DSCAML1: variants seen among roughly 807,000 people sequenced by gnomAD.
DSCAML1 encodes the protein cell adhesion molecule DSCAML1.
Under a neutral mutation model 200.5 loss-of-function variants are expected in DSCAML1, and 38 were observed. The ratio of observed to expected loss-of-function variants is 0.19; its 90% CI spans 0.15 to 0.25. DSCAML1 has a LOEUF of 0.25. Ranked by LOEUF, DSCAML1 falls within the 10% of genes least tolerant of loss-of-function variation. The pLI is 1.00. For synonymous variants in DSCAML1, 1,215 were observed against 1,165.0 expected (o/e 1.04, Z -0.87); for missense variants, 2,223 against 2,858.8 (o/e 0.78, Z 5.07).
At chr11:117,468,184 A>G (rs1016758064) in intron 16 of DSCAML1, among the ~76,000 whole-genome samples, 4 of 152,238 alleles carry the variant, frequency 2.6e-5, no homozygotes, top group South Asian at 2.1e-4. Context: ...TAAGAAATCA[A>G]TAGGGCTGAT....
chr11:117,659,554 T>C (rs941481627), intron 3 of DSCAML1, among the ~76,000 whole-genome samples: 1 of 152,202 alleles, frequency 6.6e-6, no homozygotes, highest in African/African-American at 2.4e-5. Flanking sequence ...ACGGGTCTTA[T>C]TGAGGTCCAA....
chr11:117,430,896 C>G lies in DSCAML1; in HGVS notation c.5512G>C (p.Asp1838His). ...GTGGTCATCTGGTCAGAGGAACTGTCAGAGATGAAGCACTCGGTGATCTCA... is the reference window on the plus strand; with the variant it reads ...GTGGTCATCTGGTCAGAGGAACTGTGAGAGATGAAGCACTCGGTGATCTCA... ...KFEITECFIS[D>H]SSSDQMTTGT... The change falls in exon 32 of 33, where the codon GAC becomes CAC. Residue 1838 changes from aspartate (D) to histidine (H), a missense_variant. Transcript: ENST00000651296. 1.2e-6 allele frequency: 2 copies of G among 1,614,150 alleles called. No homozygotes were observed. Among genetic ancestry groups the G allele is most frequent in the Non-Finnish European group, 1.7e-6 (2 of 1,180,032 alleles).
intron 1 of DSCAML1, among the ~76,000 whole-genome samples, chr11:117,805,699 G>A (rs1369924203): frequency 6.6e-6 from 1 of 152,164 alleles, no homozygotes; most frequent in Non-Finnish European, 1.5e-5. Context: ...CCTAAAGGAA[G>A]TACATTTTGT....
chr11:117,617,688 A>G (rs562360998), intron 3 of DSCAML1, among the ~76,000 whole-genome samples: 2,152 of 78,172 alleles, frequency 0.028, 23 homozygotes, highest in East Asian at 0.12. Flanking sequence ...ACGCACACAC[A>G]CACACACACA....
At chr11:117,734,810 G>T (rs1401455228) in intron 3 of DSCAML1, among the ~76,000 whole-genome samples, 4 of 152,182 alleles carry the variant, frequency 2.6e-5, no homozygotes. Flanking sequence ...AGGTGAGAAA[G>T]GTGGTTTAGG....
intron 3 of DSCAML1, among the ~76,000 whole-genome samples, chr11:117,750,127 G>A (rs2054582615): frequency 6.6e-6 from 1 of 152,170 alleles, no homozygotes; most frequent in African/African-American, 2.4e-5. Context: ...GGAAATGTTG[G>A]GTAAAGGGGC....
rs532122735 is a variant in DSCAML1 at position 117,640,084 on chromosome 11, C to T, written c.512-107562G>A. On this transcript the variant is annotated intron_variant, in intron 3 of 32. Coordinates refer to ENST00000651296, the MANE Select transcript of DSCAML1 (RefSeq NM_020693.4). Reference sequence around the variant, plus strand: ...GAAGCTTCCTCAGATGCAGCAGCCCCGTCTTGTTCTGCAGTGACAGTTCCC... The same window carrying T: ...GAAGCTTCCTCAGATGCAGCAGCCCTGTCTTGTTCTGCAGTGACAGTTCCC... Among the ~76,000 whole-genome samples the T allele has an allele frequency of 2.0e-5, 3 of 152,264 alleles. No homozygotes were observed. The East Asian group carries it at 5.8e-4, about 29-fold the overall frequency.
rs115861493 is a variant in DSCAML1, at chr11:117,747,161, C to T, written c.511+29630G>A. Among the ~76,000 whole-genome samples the T allele has an allele frequency of 8.4e-3, 1,275 of 152,332 alleles. 22 individuals carry two copies. Among genetic ancestry groups the T allele is most frequent in the African/African-American group, 0.028 (1,168 of 41,584 alleles). ...CTTCCTGAGTCTTCACCACCCCAGC[C>T]TTTATTGCTTCTACTGATGCTTCCT... On this transcript the variant is annotated intron_variant, in intron 3 of 32. Coordinates refer to ENST00000651296, the MANE Select transcript of DSCAML1 (RefSeq NM_020693.4).
At chr11:117,576,532 C>T (rs995344644) in intron 3 of DSCAML1, among the ~76,000 whole-genome samples, 3 of 152,184 alleles carry the variant, frequency 2.0e-5, no homozygotes, top group Non-Finnish European at 1.5e-5. Flanking sequence ...TTTCAGTCCA[C>T]AGAAATGAAG....
Position 117,461,541 on chromosome 11 carries a change from G to A in DSCAML1, c.3321C>T (p.Ala1107=), listed in dbSNP as rs749689834. The change falls in exon 18 of 33, where the codon GCC becomes GCT. Residue 1107 remains alanine (A), a synonymous_variant. Coordinates refer to ENST00000651296, the MANE Select transcript of DSCAML1 (RefSeq NM_020693.4). ...GCGGGGGCTCTGACCAGGAGATGAC[G>A]GCCACGTCAGAAGTGATGGACAGGG... ...VRALSITSDV[A]VISWSEPPRS... 7.4e-6 allele frequency: 12 copies of A among 1,614,014 alleles called. No homozygotes were observed. Among genetic ancestry groups the A allele is most frequent in the East Asian group, 2.2e-5 (1 of 44,902 alleles).
intron 1 of DSCAML1, among the ~76,000 whole-genome samples, chr11:117,781,020 G>C (rs909113669): frequency 6.6e-6 from 1 of 152,160 alleles, no homozygotes; most frequent in African/African-American, 2.4e-5. Flanking sequence ...ACAGCCTTCG[G>C]GTGCGGCGGC....
At chr11:117,770,845 A>C (rs1209721672) in intron 3 of DSCAML1, among the ~76,000 whole-genome samples, 1 of 152,248 alleles carries the variant, frequency 6.6e-6, no homozygotes, top group East Asian at 1.9e-4. Context: ...TATTTGAACC[A>C]GACTTTGAAA....
At chr11:117,717,258 C>T (rs2053966483) in intron 3 of DSCAML1, among the ~76,000 whole-genome samples, 2 of 152,134 alleles carry the variant, frequency 1.3e-5, no homozygotes, top group Non-Finnish European at 2.9e-5. Context: ...CTACCGGTCC[C>T]CTCCCTGCAC....
chr11:117,811,192 C>A (rs904170058), intron 1 of DSCAML1, among the ~76,000 whole-genome samples: 3 of 152,206 alleles, frequency 2.0e-5, no homozygotes, highest in Admixed American at 6.5e-5. Flanking sequence ...AGCGTTTAGG[C>A]TCTTTTTCAT....
chr11:117,543,816 G>C lies in DSCAML1; in HGVS notation c.512-11294C>G, dbSNP rs930891544. Among the ~76,000 whole-genome samples the C allele has an allele frequency of 2.9e-4, 44 of 149,838 alleles. 1 individual carries two copies. The highest frequency in any genetic ancestry group is 9.5e-4 in the African/African-American group (39 of 41,026). The stretch of plus-strand genomic sequence containing the variant: ...TTATAGGGCAGTTTTTTTTTTGTTT[G>C]TTTTGTTTTTTTTAAAGATCTTAAT... On this transcript the variant is annotated intron_variant, in intron 3 of 32. Coordinates refer to ENST00000651296, the MANE Select transcript of DSCAML1 (RefSeq NM_020693.4).
chr11:117,521,150 A>T lies in DSCAML1; in HGVS notation c.1193T>A (p.Phe398Tyr). 1 of 1,612,950 alleles carries T rather than the reference A, an allele frequency of 6.2e-7. No individual in the cohort carries two copies. The highest frequency in any genetic ancestry group is 8.5e-7 in the Non-Finnish European group (1 of 1,179,054). ...CTCACCCTCAAGTGCAATGATGGCA[A>T]AGTCCTGGGCGGTCTGGGCCTTGCG... ...ATRKAQTAQD[F>Y]AIIALEDGTP... Residue 398 changes from phenylalanine to tyrosine, a missense_variant, in exon 6 of 33, where the codon TTT (phenylalanine) becomes TAT (tyrosine). Physicochemically the swap from Phe to Tyr is conservative, Grantham distance 22. Transcript: ENST00000651296.
chr11:117,754,029 T>G (rs2054644507), intron 3 of DSCAML1, among the ~76,000 whole-genome samples: 1 of 152,050 alleles, frequency 6.6e-6, no homozygotes, highest in Non-Finnish European at 1.5e-5. Context: ...CCACCCAGGA[T>G]GTGGAGAGGC....
chr11:117,701,281 A>C (rs1247188581), intron 3 of DSCAML1, among the ~76,000 whole-genome samples: 1 of 152,042 alleles, frequency 6.6e-6, no homozygotes, highest in Middle Eastern at 3.2e-3. Context: ...AAATAAATAA[A>C]TAAATAAATA....
At chr11:117,730,061 T>C (rs1485249554) in intron 3 of DSCAML1, among the ~76,000 whole-genome samples, 1 of 151,958 alleles carries the variant, frequency 6.6e-6, no homozygotes, top group Non-Finnish European at 1.5e-5. Flanking sequence ...AAGCTGGGCG[T>C]GGTGGTGTGC....
Sources: allele counts gnomAD v4.1 joint callset (sites outside exome capture counted in the v4.1 genomes callset), GRCh38; gene constraint gnomAD v4.1.1; transcripts MANE v1.5; gene names NCBI Gene and HGNC (gene_info 2026-07-23, HGNC 2026-07-21).